Variants in MBD2 observed in about 807,000 individuals in gnomAD.
MBD2 encodes methyl-CpG binding domain protein 2, also known as methyl-CpG-binding domain protein 2.
MBD2 carries 9 observed loss-of-function variants against 39.3 expected under a neutral mutation model. The observed-to-expected ratio is 0.23, with a 90% CI of 0.14 to 0.40. The LOEUF (loss-of-function observed/expected upper bound fraction) is 0.40, where lower values mean the gene tolerates loss of function less well. Ranked by LOEUF, MBD2 falls within the 10% of genes least tolerant of loss-of-function variation. The probability of loss-of-function intolerance (pLI) is 1.00; values close to 1 mark genes in which losing one functional copy is unlikely to be tolerated. For missense variants in MBD2, 458 were observed against 532.6 expected (o/e 0.86, Z 1.38); for synonymous variants, 233 against 211.1 (o/e 1.10, Z -0.90).
At chr18:54,163,171 C>T (rs577651406) in intron 5 of MBD2, among the ~76,000 whole-genome samples, 98 of 152,250 alleles carry the variant, frequency 6.4e-4, no homozygotes, top group African/African-American at 2.1e-3. Flanking sequence ...ACTCGGGCGG[C>T]TGAGGCAGGA....
intron 3 of MBD2, among the ~76,000 whole-genome samples, chr18:54,169,196 A>T (rs1219077948): frequency 1.3e-5 from 2 of 152,216 alleles, no homozygotes; most frequent in Admixed American, 1.3e-4. Context: ...GACTTTATCC[A>T]GCTTATATAA....
intron 2 of MBD2, among the ~76,000 whole-genome samples, chr18:54,202,427 A>G (rs2086415200): frequency 6.6e-6 from 1 of 152,244 alleles, no homozygotes; most frequent in South Asian, 2.1e-4. Context: ...TAAAGCTCTT[A>G]GCTTTCTTTA....
chr18:54,155,895 A>ATCT (rs1378680884), intron 6 of MBD2, among the ~76,000 whole-genome samples: 6 of 152,040 alleles, frequency 3.9e-5, no homozygotes, highest in East Asian at 3.9e-4. Flanking sequence ...TACAGTCATC[A>ATCT]TCTTCTTCTT....
rs1013283584 is a variant in MBD2, at chr18:54,164,388, C to T, written c.1109+135G>A. On this transcript the variant is annotated intron_variant, in intron 5 of 6. Coordinates refer to ENST00000256429, the MANE Select transcript of MBD2 (RefSeq NM_003927.5). ...TCACCTTCTATCAGTTTCTGAAAAA[C>T]TCTGTTAAAAAAGAAAAGTATAACT... 1.6e-5 allele frequency: 12 copies of T among 737,484 alleles called. No individual in the cohort carries two copies. The African/African-American group carries it at 1.9e-4, about 12-fold the overall frequency. The allele number at this position is 737,484 out of a possible 1,614,324, so 45.7% of individuals were successfully genotyped here.
chr18:54,196,278 AGGAT>A lies in MBD2; in HGVS notation c.703-7271_703-7268del, dbSNP rs1056508120. 1.2e-4 allele frequency among the ~76,000 whole-genome samples: 18 copies of A among 152,314 alleles called. No homozygotes were observed. The South Asian group carries it at 2.9e-3, about 25-fold the overall frequency. On this transcript the variant is annotated intron_variant, in intron 2 of 6. Coordinates refer to ENST00000256429, the MANE Select transcript of MBD2 (RefSeq NM_003927.5). ...ATTAATGGCATATTAAAATATTAAT[AGGAT>A]GGATGGAGTATACTTTGAGCTCATT...
At chr18:54,192,954 C>T (rs1398333136) in intron 2 of MBD2, among the ~76,000 whole-genome samples, 4 of 152,186 alleles carry the variant, frequency 2.6e-5, no homozygotes, top group East Asian at 3.8e-4. Flanking sequence ...TTATTCTTCA[C>T]TCAATCTTAT....
rs1210778534 is a variant in MBD2, at chr18:54,151,947, A to G, written c.*3377T>C. The G allele has an allele frequency of 6.6e-6, 1 of 152,178 alleles. No individual in the cohort carries two copies. Among genetic ancestry groups the G allele is most frequent in the African/African-American group, 2.4e-5 (1 of 41,438 alleles). 9.4% of individuals were successfully genotyped at this position (152,178 alleles called of 1,614,324 possible). On this transcript the variant is annotated 3_prime_UTR_variant, in exon 7 of 7. Coordinates refer to ENST00000256429, the MANE Select transcript of MBD2 (RefSeq NM_003927.5). ...CTCTTGTTCATTCACAGATTCATTC[A>G]ACAAATATTTAATGACAAGCTATTA...
At chr18:54,196,252 G>A (rs188602752) in intron 2 of MBD2, among the ~76,000 whole-genome samples, 3 of 152,076 alleles carry the variant, frequency 2.0e-5, no homozygotes, top group African/African-American at 7.2e-5. Context: ...TTTTAAAGGA[G>A]ATTAATGGCA....
Position 54,205,010 on chromosome 18 carries a change from G to A in MBD2, c.690C>T (p.Leu230=), listed in dbSNP as rs150883663. Residue 230 remains leucine, a synonymous_variant, in exon 2 of 7, where the codon CTC becomes CTT. Transcript: ENST00000256429. ...KNKQRLRNDP[L]NQNKGKPDLN... ...TAAATTAACCAACCTTATTTTGATT[G>A]AGAGGATCGTTTCGCAGTCTCTGTT... 3.7e-6 allele frequency: 6 copies of A among 1,613,166 alleles called. No individual in the cohort carries two copies. The African/African-American group carries it at 6.7e-5, about 18-fold the overall frequency.
At chr18:54,160,734 G>C (rs548377308) in intron 5 of MBD2, among the ~76,000 whole-genome samples, 1 of 151,588 alleles carries the variant, frequency 6.6e-6, no homozygotes, top group East Asian at 1.9e-4. Flanking sequence ...AACAAAGCTC[G>C]GTAAATAGAA....
At chr18:54,198,576 G>T (rs1302360345) in intron 2 of MBD2, among the ~76,000 whole-genome samples, 1 of 152,182 alleles carries the variant, frequency 6.6e-6, no homozygotes, top group Non-Finnish European at 1.5e-5. Context: ...TTAGCCAGGA[G>T]TGGTGGCCTG....
chr18:54,224,211 CGCTGCCGCCGCCGCCGCA>C lies in MBD2; in HGVS notation c.331_348del (p.Cys111_Ser116del), dbSNP rs1425707259. 8.8e-7 allele frequency: 1 copy of C among 1,138,824 alleles called. No individual in the cohort carries two copies. The highest frequency in any genetic ancestry group is 1.1e-6 in the Non-Finnish European group (1 of 927,914). 70.5% of individuals were successfully genotyped at this position (1,138,824 alleles called of 1,614,324 possible). A position where few individuals can be genotyped will look rare whatever the true frequency, so the allele number is the denominator to read the frequency against. ...TCCCGCCGGGGGGCGCCGCCGCCACCGCTGCCGCCGCCGCCGCAGCCGCCGCCGTCGCCGCCAAGGCCG... is the reference window on the plus strand; with the variant it reads ...TCCCGCCGGGGGGCGCCGCCGCCACCGCCGCCGCCGTCGCCGCCAAGGCCG... On this transcript the variant is annotated inframe_deletion, in exon 1 of 7. Coordinates refer to ENST00000256429, the MANE Select transcript of MBD2 (RefSeq NM_003927.5).
chr18:54,182,550 G>A (rs1463296171), intron 3 of MBD2, among the ~76,000 whole-genome samples: 1 of 152,152 alleles, frequency 6.6e-6, no homozygotes, highest in East Asian at 1.9e-4. Flanking sequence ...TAAGCAAAAG[G>A]GCTTGGCAGT....
At chr18:54,184,541 G>A (rs889364491) in intron 3 of MBD2, among the ~76,000 whole-genome samples, 2 of 152,118 alleles carry the variant, frequency 1.3e-5, no homozygotes, top group Admixed American at 6.5e-5. Context: ...CTAACTTATT[G>A]ATAGTCTTTT....
intron 1 of MBD2, among the ~76,000 whole-genome samples, chr18:54,210,563 T>C (rs1332778428): frequency 6.6e-6 from 1 of 152,214 alleles, no homozygotes; most frequent in African/African-American, 2.4e-5. Context: ...ATAATCATAA[T>C]GTTCAGTCAA....
At chr18:54,194,373 T>C (rs1022298206) in intron 2 of MBD2, among the ~76,000 whole-genome samples, 2 of 151,980 alleles carry the variant, frequency 1.3e-5, no homozygotes, top group Non-Finnish European at 1.5e-5. Flanking sequence ...AACTTATTTC[T>C]TATTTTAAAC....
chr18:54,195,307 C>T (rs2086356651), intron 2 of MBD2, among the ~76,000 whole-genome samples: 1 of 151,994 alleles, frequency 6.6e-6, no homozygotes, highest in Non-Finnish European at 1.5e-5. Flanking sequence ...GCCTAGTAGA[C>T]TCATTTTATC....
intron 1 of MBD2, among the ~76,000 whole-genome samples, chr18:54,210,663 T>C (rs1025213093): frequency 1.3e-5 from 2 of 151,970 alleles, no homozygotes; most frequent in African/African-American, 2.4e-5. Flanking sequence ...CAGACTGGAG[T>C]AAGATGAAAT....
At chr18:54,208,473 C>T (rs953771181) in intron 1 of MBD2, among the ~76,000 whole-genome samples, 2 of 152,166 alleles carry the variant, frequency 1.3e-5, no homozygotes, top group Non-Finnish European at 2.9e-5. Flanking sequence ...GCCTGGGCAA[C>T]GAGCAAAACT....
Sources: gnomAD v4.1 joint callset for allele counts (sites outside exome capture counted in the v4.1 genomes callset) on GRCh38, gnomAD v4.1.1 for gene constraint, MANE v1.5 for transcripts, NCBI Gene and HGNC (gene_info 2026-07-23, HGNC 2026-07-21) for gene names.